The following IPPK variants were observed in gnomAD, a reference collection of about 807,000 sequenced individuals.
IPPK encodes IPK1 homolog.
In IPPK, 22 loss-of-function variants were observed where a neutral mutation model predicts 64.6. The observed-to-expected ratio is 0.34, with a 90% CI of 0.24 to 0.49. The LOEUF (loss-of-function observed/expected upper bound fraction) is 0.49, where lower values mean the gene tolerates loss of function less well. IPPK is among the 20% of genes least tolerant of loss of function. The pLI, the probability that IPPK is intolerant of heterozygous loss-of-function variation, is 0.99. For missense variants in IPPK, 532 were observed against 630.7 expected (o/e 0.84, Z 1.68); for synonymous variants, 262 against 247.2 (o/e 1.06, Z -0.56).
At chr9:92,655,513 T>C (rs923170927) in intron 3 of IPPK, among the ~76,000 whole-genome samples, 7 of 152,088 alleles carry the variant, frequency 4.6e-5, no homozygotes, top group African/African-American at 1.7e-4. Flanking sequence ...AGACTGCTCA[T>C]TGCTGGAAAT....
At chr9:92,645,974 A>T (rs760290892) in intron 6 of IPPK, among the ~76,000 whole-genome samples, 6 of 152,126 alleles carry the variant, frequency 3.9e-5, no homozygotes, top group Non-Finnish European at 7.3e-5. Flanking sequence ...AGAAGGTATA[A>T]ACACATTTTG....
At chr9:92,640,536 G>A (rs1168659943) in intron 8 of IPPK, among the ~76,000 whole-genome samples, 174 bp downstream of exon 8, 1 of 152,120 alleles carries the variant, frequency 6.6e-6, no homozygotes. Flanking sequence ...GGGAAAGACA[G>A]GTCTGGAACT....
intron 6 of IPPK, among the ~76,000 whole-genome samples, chr9:92,644,508 C>T (rs896885256): frequency 2.6e-5 from 4 of 152,132 alleles, no homozygotes; most frequent in South Asian, 2.1e-4. Context: ...CACTTGCAAG[C>T]GTTCCCGGAA....
At chr9:92,624,890 A>T (rs1472774481) in intron 11 of IPPK, among the ~76,000 whole-genome samples, 1 of 147,888 alleles carries the variant, frequency 6.8e-6, no homozygotes, top group Non-Finnish European at 1.5e-5. Context: ...GAATCTCATA[A>T]ATATTACACA....
chr9:92,631,193 A>G (rs970994693), intron 11 of IPPK, among the ~76,000 whole-genome samples: 5 of 131,244 alleles, frequency 3.8e-5, no homozygotes, highest in Non-Finnish European at 8.1e-5. Context: ...ACACAGTTCA[A>G]TTTTTTTTTT....
At chr9:92,652,457 A>AC (rs1238905250) in intron 4 of IPPK, 116 bp downstream of exon 4, 3 of 512,198 alleles carry the variant, frequency 5.9e-6, no homozygotes, top group African/African-American at 3.9e-5. Flanking sequence ...TCAAAAAAAA[A>AC]AAAAAAAAAA....
chr9:92,661,438 C>A (rs539921404), intron 1 of IPPK, among the ~76,000 whole-genome samples: 7 of 152,304 alleles, frequency 4.6e-5, no homozygotes, highest in Admixed American at 2.6e-4. Context: ...CTGTGCTGCC[C>A]CCCAGGAGAG....
chr9:92,657,510 G>T (rs551970157), intron 2 of IPPK, among the ~76,000 whole-genome samples: 84 of 152,292 alleles, frequency 5.5e-4, no homozygotes, highest in African/African-American at 2.0e-3. Flanking sequence ...ATCTGACAGG[G>T]GCCACAGATG....
chr9:92,652,807 G>A (rs1852294989), intron 3 of IPPK, among the ~76,000 whole-genome samples, 168 bp from the exon 4 acceptor site: 1 of 152,086 alleles, frequency 6.6e-6, no homozygotes, highest in Admixed American at 6.5e-5. Flanking sequence ...TGTGGATTTT[G>A]GGAATAAAAG....
rs1392688688 is a variant in IPPK at position 92,669,976 on chromosome 9, T to C, written c.13A>G (p.Lys5Glu). 6.2e-7 allele frequency: 1 copy of C among 1,612,280 alleles called. No homozygotes were observed. The highest frequency in any genetic ancestry group is 1.3e-5 in the African/African-American group (1 of 74,838). ...TACCCCCATTCATTCTCGTCCATCT[T>C]CCCCTCTTCCATGCCCAGGCGCAGC... MEEG[K>E]MDENEWGYHG... is the part of the protein sequence containing the mutation. The change falls in exon 1 of 13, where the codon AAG becomes GAG. Residue 5 changes from lysine to glutamate, a missense_variant. Lys to Glu is a moderately conservative substitution (Grantham distance 56). Transcript: ENST00000287996.
intron 6 of IPPK, among the ~76,000 whole-genome samples, chr9:92,645,383 C>A (rs1266290637): frequency 6.6e-6 from 1 of 151,584 alleles, no homozygotes; most frequent in Non-Finnish European, 1.5e-5. Context: ...CAGAGCAAGA[C>A]CCTGTCTAAA....
intron 11 of IPPK, among the ~76,000 whole-genome samples, chr9:92,621,996 C>A (rs578091983): frequency 4.3e-4 from 66 of 152,230 alleles, no homozygotes; most frequent in African/African-American, 1.6e-3. Context: ...ATTAGCAAAC[C>A]CAATTATCAT....
chr9:92,640,681 A>C, intron 8 of IPPK, 29 bp downstream of exon 8: 3 of 1,521,868 alleles, frequency 2.0e-6, no homozygotes, highest in Non-Finnish European at 2.7e-6. Flanking sequence ...CCCACCCTGA[A>C]ACCACCATAG....
intron 11 of IPPK, among the ~76,000 whole-genome samples, chr9:92,621,695 T>A (rs1851636071): frequency 6.6e-6 from 1 of 152,006 alleles, no homozygotes; most frequent in Admixed American, 6.5e-5. Flanking sequence ...TTAATTACTT[T>A]TATTAGAGAC....
intron 1 of IPPK, among the ~76,000 whole-genome samples, chr9:92,668,286 A>T (rs1852644703): frequency 6.6e-6 from 1 of 152,138 alleles, no homozygotes; most frequent in Admixed American, 6.5e-5. Context: ...TAAATAAATA[A>T]AAATAAACAA....
intron 2 of IPPK, 29 bp from the exon 3 acceptor site, chr9:92,656,580 C>T (rs747107676): frequency 9.1e-6 from 13 of 1,423,638 alleles, no homozygotes; most frequent in Non-Finnish European, 1.2e-5. Context: ...GGACAGCCTT[C>T]GTGATGGGAC....
At chr9:92,655,165 G>T (rs964491413) in intron 3 of IPPK, among the ~76,000 whole-genome samples, 1 of 152,206 alleles carries the variant, frequency 6.6e-6, no homozygotes. Context: ...AGGGCTGGTT[G>T]TATCTTGCCC....
intron 5 of IPPK, 109 bp from the exon 6 acceptor site, chr9:92,648,257 T>C (rs1852189383): frequency 5.0e-6 from 4 of 797,994 alleles, no homozygotes; most frequent in Non-Finnish European, 8.1e-6. Flanking sequence ...TAATTAGGCA[T>C]AAATGGCCCC....
At chr9:92,617,835 G>C (rs1433769497) in intron 12 of IPPK, 1 of 208,888 alleles carries the variant, frequency 4.8e-6, no homozygotes, top group Non-Finnish European at 9.7e-6. Flanking sequence ...AAGGGACAAA[G>C]CTCTGCAGCG....
Sources: gnomAD v4.1 joint callset for allele counts (sites outside exome capture counted in the v4.1 genomes callset) on GRCh38, gnomAD v4.1.1 for gene constraint, MANE v1.5 for transcripts, NCBI Gene and HGNC (gene_info 2026-07-23, HGNC 2026-07-21) for gene names.